CACNB2: variants seen among roughly 807,000 people sequenced by gnomAD.
CACNB2 encodes the protein calcium voltage-gated channel auxiliary subunit beta 2.
A neutral mutation model predicts 73.3 loss-of-function variants in CACNB2; 42 were observed. That is an observed-to-expected ratio of 0.57 (90% CI 0.45 to 0.74). The LOEUF (loss-of-function observed/expected upper bound fraction) is 0.74. Ranked by LOEUF, CACNB2 falls within the 30% of genes least tolerant of loss-of-function variation. The pLI is 0.00. For synonymous variants in CACNB2, 348 were observed against 310.3 expected (o/e 1.12, Z -1.28); for missense variants, 940 against 853.0 (o/e 1.10, Z -1.27).
intron 2 of CACNB2, among the ~76,000 whole-genome samples, chr10:18,187,332 A>C (rs1306841068): frequency 6.6e-6 from 1 of 152,250 alleles, no homozygotes; most frequent in African/African-American, 2.4e-5. Flanking sequence ...GTGAGCATAC[A>C]TTAATCTGAA....
chr10:18,350,416 A>G (rs1333298800), intron 2 of CACNB2, among the ~76,000 whole-genome samples: 1 of 152,198 alleles, frequency 6.6e-6, no homozygotes, highest in Admixed American at 6.5e-5. Context: ...ATTGGAAGCA[A>G]AAGGGCAGCC....
Position 18,150,664 on chromosome 10 carries a change from A to C in CACNB2, c.121-219A>C, listed in dbSNP as rs191267350. On this transcript the variant is annotated intron_variant, in intron 1 of 13. Coordinates refer to ENST00000324631, the MANE Select transcript of CACNB2 (RefSeq NM_201596.3). The stretch of plus-strand genomic sequence containing the variant: ...GCCAGCAAGAGCGAAACTCTGTCTC[A>C]AAAAAGAAAAGAAAAGAAAACTCTC... Among the ~76,000 whole-genome samples the C allele has an allele frequency of 3.7e-3, 567 of 152,254 alleles. 1 individual carries two copies. Among genetic ancestry groups the C allele is most frequent in the African/African-American group, 0.011 (452 of 41,534 alleles).
chr10:18,364,768 C>G (rs2042282852), intron 2 of CACNB2, among the ~76,000 whole-genome samples: 1 of 152,178 alleles, frequency 6.6e-6, no homozygotes. Context: ...CTTTAGATAT[C>G]TTTCATCTTC....
chr10:18,479,682 C>CGT (rs1366159875), intron 3 of CACNB2, among the ~76,000 whole-genome samples: 2 of 130,820 alleles, frequency 1.5e-5, no homozygotes, highest in African/African-American at 2.8e-5. Flanking sequence ...TTTAAAAGTG[C>CGT]GTGTGTCTCT....
chr10:18,238,935 C>T (rs186371283), intron 2 of CACNB2, among the ~76,000 whole-genome samples: 218 of 152,210 alleles, frequency 1.4e-3, no homozygotes, highest in Non-Finnish European at 2.3e-3. Flanking sequence ...TGTGAAGTCA[C>T]GAATTTGCTT....
chr10:18,227,020 T>C (rs1278035640), intron 2 of CACNB2, among the ~76,000 whole-genome samples: 3 of 152,070 alleles, frequency 2.0e-5, no homozygotes, highest in Non-Finnish European at 2.9e-5. Context: ...CACCCATAGC[T>C]CTGAGGATGA....
chr10:18,507,871 A>T (rs145083477), intron 6 of CACNB2, among the ~76,000 whole-genome samples: 227 of 152,308 alleles, frequency 1.5e-3, no homozygotes, highest in African/African-American at 4.8e-3. Flanking sequence ...CTCTATTACT[A>T]ATAATCAGCT....
chr10:18,357,232 C>T (rs190415073), intron 2 of CACNB2, among the ~76,000 whole-genome samples: 2 of 152,052 alleles, frequency 1.3e-5, no homozygotes, highest in African/African-American at 4.8e-5. Context: ...CGTGAGCCAC[C>T]GCGCCCGGCT....
intron 2 of CACNB2, among the ~76,000 whole-genome samples, chr10:18,240,825 C>A (rs2036621547): frequency 6.6e-6 from 1 of 152,132 alleles, no homozygotes; most frequent in African/African-American, 2.4e-5. Flanking sequence ...TCAAAGCCAA[C>A]ACCCCCTCTG....
At chr10:18,192,268 G>A (rs201197973) in intron 2 of CACNB2, among the ~76,000 whole-genome samples, 58 of 151,390 alleles carry the variant, frequency 3.8e-4, no homozygotes, top group South Asian at 2.7e-3. Context: ...TCAGACTTAC[G>A]TTCATTCATT....
intron 2 of CACNB2, among the ~76,000 whole-genome samples, chr10:18,219,011 A>T (rs114936205): frequency 0.04 from 6,017 of 152,268 alleles, 159 homozygotes; most frequent in African/African-American, 0.069. Flanking sequence ...AAAAAAATTT[A>T]AAAATTAGCC....
chr10:18,248,665 A>G (rs1757213), intron 2 of CACNB2, among the ~76,000 whole-genome samples: 139,183 of 152,284 alleles, frequency 0.91, 63,704 homozygotes, highest in East Asian at 1. Context: ...GGACATATCC[A>G]ATATCACTCT....
At chr10:18,359,475 T>G (rs1483580395) in intron 2 of CACNB2, among the ~76,000 whole-genome samples, 2 of 152,126 alleles carry the variant, frequency 1.3e-5, no homozygotes, top group Non-Finnish European at 2.9e-5. Context: ...GATTTTATCA[T>G]GTTGGCCAGG....
At chr10:18,275,510 T>A (rs893838606) in intron 2 of CACNB2, among the ~76,000 whole-genome samples, 1 of 152,174 alleles carries the variant, frequency 6.6e-6, no homozygotes, top group African/African-American at 2.4e-5. Flanking sequence ...CTGGGCTTAA[T>A]ACCTAGGTGA....
intron 10 of CACNB2, 110 bp from the exon 11 acceptor site, chr10:18,533,966 A>G: frequency 3.2e-6 from 3 of 949,902 alleles, no homozygotes; most frequent in Middle Eastern, 2.1e-4. Context: ...ATTGCCTGTA[A>G]GCATTAACAT....
intron 2 of CACNB2, among the ~76,000 whole-genome samples, chr10:18,247,402 C>T (rs1254775169): frequency 6.6e-6 from 1 of 152,200 alleles, no homozygotes; most frequent in Non-Finnish European, 1.5e-5. Flanking sequence ...TTCTCCGCTT[C>T]ATCATAAGCC....
chr10:18,322,631 A>C (rs2040435462), intron 2 of CACNB2, among the ~76,000 whole-genome samples: 1 of 152,196 alleles, frequency 6.6e-6, no homozygotes. Context: ...ATGTTCTATT[A>C]ATCTCTGATT....
intron 3 of CACNB2, among the ~76,000 whole-genome samples, chr10:18,407,530 A>T (rs910552156): frequency 4.0e-5 from 6 of 151,804 alleles, no homozygotes; most frequent in African/African-American, 1.2e-4. Flanking sequence ...CTTGGTGTGC[A>T]CCTTTTTGTT....
At chr10:18,220,353 G>T (rs1588738518) in intron 2 of CACNB2, among the ~76,000 whole-genome samples, 1 of 146,640 alleles carries the variant, frequency 6.8e-6, no homozygotes, top group Middle Eastern at 3.6e-3. Flanking sequence ...CTCCCCTCCT[G>T]CATTCAAGTG....
Sources: allele counts gnomAD v4.1 joint callset (sites outside exome capture counted in the v4.1 genomes callset), GRCh38; gene constraint gnomAD v4.1.1; transcripts MANE v1.5; gene names NCBI Gene and HGNC (gene_info 2026-07-23, HGNC 2026-07-21).